The following RAP1GDS1 variants were observed in gnomAD, a reference collection of about 807,000 sequenced individuals.
The protein encoded by RAP1GDS1 is Rap1 GTPase-GDP dissociation stimulator 1.
Under a neutral mutation model 71.1 loss-of-function variants are expected in RAP1GDS1, and 35 were observed. That is an observed-to-expected ratio of 0.49 (90% CI 0.38 to 0.65). The LOEUF (loss-of-function observed/expected upper bound fraction) is 0.65, where lower values mean the gene tolerates loss of function less well. RAP1GDS1 is among the 30% of genes least tolerant of loss of function. RAP1GDS1 has a pLI of 0.00. For missense variants in RAP1GDS1, 663 were observed against 706.1 expected (o/e 0.94, Z 0.69); for synonymous variants, 229 against 243.1 (o/e 0.94, Z 0.54).
In RAP1GDS1 at chr4:98,343,130, C is replaced by T. The variant is rs1453348605; in HGVS notation, c.113-9C>T. ...TTTCACTGAAGCTCTTTGTATGTATCTCTTTTAGATACGGAAACAAGTGAA... is the reference window on the plus strand; with the variant it reads ...TTTCACTGAAGCTCTTTGTATGTATTTCTTTTAGATACGGAAACAAGTGAA... On this transcript the variant is annotated splice_polypyrimidine_tract_variant and intron_variant, in intron 2 of 14. Transcript: ENST00000408927. The T allele has an allele frequency of 6.2e-7, 1 of 1,601,298 alleles. No individual in the cohort carries two copies. Among genetic ancestry groups the T allele is most frequent in the Non-Finnish European group, 8.5e-7 (1 of 1,172,846 alleles).
At chr4:98,356,399 A>C (rs1407824850) in intron 4 of RAP1GDS1, among the ~76,000 whole-genome samples, 1 of 152,108 alleles carries the variant, frequency 6.6e-6, no homozygotes, top group Non-Finnish European at 1.5e-5. Flanking sequence ...AGTTTTAAAA[A>C]GCTTTATGTT....
intron 2 of RAP1GDS1, among the ~76,000 whole-genome samples, chr4:98,326,765 T>G (rs1006667730): frequency 2.0e-5 from 3 of 152,224 alleles, no homozygotes; most frequent in Non-Finnish European, 4.4e-5. Flanking sequence ...CAGGATTCAT[T>G]ATTAATCCTA....
At chr4:98,424,852 A>G (rs1210453478) in intron 12 of RAP1GDS1, among the ~76,000 whole-genome samples, 2 of 152,232 alleles carry the variant, frequency 1.3e-5, no homozygotes, top group African/African-American at 4.8e-5. Context: ...GTCTTGCTAG[A>G]GACCTAGACG....
intron 1 of RAP1GDS1, among the ~76,000 whole-genome samples, chr4:98,270,939 C>CGA (rs1723366544): frequency 1.3e-5 from 2 of 152,102 alleles, no homozygotes; most frequent in African/African-American, 4.8e-5. Flanking sequence ...TTTCTTTTCT[C>CGA]TAGCTTACCT....
At chr4:98,372,338 T>C (rs1331212256) in intron 4 of RAP1GDS1, among the ~76,000 whole-genome samples, 3 of 152,138 alleles carry the variant, frequency 2.0e-5, no homozygotes, top group African/African-American at 7.2e-5. Context: ...AATTTTTGTA[T>C]GTTTTTTAAA....
rs61010394 is a variant in RAP1GDS1, at chr4:98,373,392, C to CCTCTCCCTCT, written c.362-5615_362-5606dup. 3.7e-3 allele frequency among the ~76,000 whole-genome samples: 560 copies of CCTCTCCCTCT among 151,522 alleles called. 6 individuals are homozygous for CCTCTCCCTCT. Among genetic ancestry groups the CCTCTCCCTCT allele is most frequent in the African/African-American group, 0.013 (529 of 41,264 alleles). On this transcript the variant is annotated intron_variant, in intron 4 of 14. Transcript: ENST00000408927. Reference sequence around the variant, plus strand: ...CTCTTTCCCTCTCTCTCCCTCCCTCCCTCTCCCTCTCTCTCCCTCCCTCCC... The same window carrying CCTCTCCCTCT: ...CTCTTTCCCTCTCTCTCCCTCCCTCCCTCTCCCTCTCTCTCCCTCTCTCTCCCTCCCTCCC...
intron 5 of RAP1GDS1, among the ~76,000 whole-genome samples, chr4:98,388,751 T>C (rs1380448345): frequency 6.6e-6 from 1 of 152,086 alleles, no homozygotes; most frequent in African/African-American, 2.4e-5. Context: ...TAAAATTAGG[T>C]AGTCCTTTGA....
chr4:98,279,969 T>C (rs996343618), intron 1 of RAP1GDS1, among the ~76,000 whole-genome samples: 5 of 152,230 alleles, frequency 3.3e-5, no homozygotes, highest in African/African-American at 4.8e-5. Context: ...TAGTAATCCA[T>C]GGTGTATATG....
In RAP1GDS1 at chr4:98,434,044, A is replaced by C. The variant is rs1179538240; in HGVS notation, c.1549A>C (p.Ile517Leu). The part of the protein sequence containing the change: ...QNEALVALAL[I>L]AALELGTAEK... ...TGAAGCTCTTGTTGCTTTGGCATTA[A>C]TAGCAGCTTTAGAATTGGGTAAGTA... Residue 517 changes from isoleucine (I) to leucine (L), a missense_variant, in exon 13 of 15, where the codon ATA (isoleucine) becomes CTA (leucine). Coordinates refer to ENST00000408927, the MANE Select transcript of RAP1GDS1 (RefSeq NM_001100427.2). 3 of 1,613,960 alleles carry C rather than the reference A, an allele frequency of 1.9e-6. No homozygotes were observed. Among genetic ancestry groups the C allele is most frequent in the Non-Finnish European group, 2.5e-6 (3 of 1,179,868 alleles).
chr4:98,441,788 A>G, intron 14 of RAP1GDS1: 1 of 541,130 alleles, frequency 1.8e-6, no homozygotes, highest in Non-Finnish European at 2.4e-6. Flanking sequence ...CCTTTAATTT[A>G]AAAAAAAGTA....
At chr4:98,317,188 T>TA (rs1360258028) in intron 2 of RAP1GDS1, among the ~76,000 whole-genome samples, 9 of 152,288 alleles carry the variant, frequency 5.9e-5, no homozygotes, top group Non-Finnish European at 1.3e-4. Flanking sequence ...CAGCTTGTGA[T>TA]ACCATGCATT....
chr4:98,411,883 G>C (rs185151641), intron 7 of RAP1GDS1, among the ~76,000 whole-genome samples: 77 of 152,184 alleles, frequency 5.1e-4, no homozygotes, highest in Admixed American at 1.5e-3. Context: ...TTTAATTCTA[G>C]TCACCACACA....
At chr4:98,282,587 T>G (rs1353768167) in intron 1 of RAP1GDS1, among the ~76,000 whole-genome samples, 1 of 151,740 alleles carries the variant, frequency 6.6e-6, no homozygotes, top group Non-Finnish European at 1.5e-5. Context: ...TTTTTTTTTT[T>G]TTTTTGAAGG....
At chr4:98,424,561 G>T (rs562161046) in intron 12 of RAP1GDS1, among the ~76,000 whole-genome samples, 2 of 152,272 alleles carry the variant, frequency 1.3e-5, no homozygotes, top group South Asian at 4.1e-4. Context: ...AGGAGTTCCA[G>T]ACCAGCCTGG....
intron 1 of RAP1GDS1, among the ~76,000 whole-genome samples, chr4:98,279,225 A>C (rs1019064283): frequency 6.6e-6 from 1 of 152,044 alleles, no homozygotes; most frequent in Non-Finnish European, 1.5e-5. Context: ...CTCTGTCTTA[A>C]AAACAAACAA....
At chr4:98,372,611 T>A (rs1184721599) in intron 4 of RAP1GDS1, among the ~76,000 whole-genome samples, 1 of 152,220 alleles carries the variant, frequency 6.6e-6, no homozygotes, top group Non-Finnish European at 1.5e-5. Context: ...TTCCACTTCC[T>A]CCCTTAAATC....
intron 2 of RAP1GDS1, among the ~76,000 whole-genome samples, chr4:98,331,618 A>T (rs984614549): frequency 6.6e-6 from 1 of 152,184 alleles, no homozygotes; most frequent in Non-Finnish European, 1.5e-5. Flanking sequence ...ATACACATAC[A>T]TGTAACTGAA....
intron 2 of RAP1GDS1, among the ~76,000 whole-genome samples, chr4:98,334,771 G>A (rs1054913955): frequency 2.6e-5 from 4 of 151,086 alleles, no homozygotes; most frequent in Admixed American, 6.6e-5. Context: ...TACTTAAGTC[G>A]TTAGTTGTCA....
intron 1 of RAP1GDS1, among the ~76,000 whole-genome samples, chr4:98,266,897 T>C (rs915531028): frequency 6.6e-6 from 1 of 152,162 alleles, no homozygotes; most frequent in Non-Finnish European, 1.5e-5. Flanking sequence ...CAGAAATTCC[T>C]GATTGAACCT....
Sources: gnomAD v4.1 joint callset for allele counts (sites outside exome capture counted in the v4.1 genomes callset) on GRCh38, gnomAD v4.1.1 for gene constraint, MANE v1.5 for transcripts, NCBI Gene and HGNC (gene_info 2026-07-23, HGNC 2026-07-21) for gene names.